FIGLA: variants seen among roughly 807,000 people sequenced by gnomAD.
FIGLA encodes folliculogenesis specific bHLH transcription factor.
In FIGLA, 17 loss-of-function variants were observed where a neutral mutation model predicts 21.5. The ratio of observed to expected loss-of-function variants is 0.79; its 90% CI spans 0.54 to 1.19. The LOEUF (loss-of-function observed/expected upper bound fraction) is 1.19. Ranked by LOEUF, FIGLA falls within the 50% of genes most tolerant of loss-of-function variation. The pLI, the probability that FIGLA is intolerant of heterozygous loss-of-function variation, is 0.00. For synonymous variants in FIGLA, 129 were observed against 117.6 expected, an observed-to-expected ratio of 1.10 and a Z score of -0.63; for missense variants, 282 against 285.0, an observed-to-expected ratio of 0.99 and a Z score of 0.08.
chr2:70,790,337 G>C, intron 1 of FIGLA, 71 bp downstream of exon 1: 1 of 1,412,892 alleles, frequency 7.1e-7, no homozygotes, highest in Non-Finnish European at 9.3e-7. Context: ...GCGGACCCCC[G>C]GGTGTTGACC....
At chr2:70,782,912 C>T (rs1198385256) in intron 3 of FIGLA, among the ~76,000 whole-genome samples, 1 of 151,858 alleles carries the variant, frequency 6.6e-6, no homozygotes, top group Non-Finnish European at 1.5e-5. Context: ...ACTAAAAATA[C>T]AAAAATTAGC....
chr2:70,780,667 G>A (rs1422069350), intron 3 of FIGLA, among the ~76,000 whole-genome samples: 1 of 152,162 alleles, frequency 6.6e-6, no homozygotes, highest in Non-Finnish European at 1.5e-5. Context: ...TGTTAACAAA[G>A]AGAAAACTAG....
At position 70,790,548 on chromosome 2, in the gene FIGLA, G is replaced by A. The variant is rs1676043447; in HGVS notation, c.91C>T (p.Arg31Trp). The A allele has an allele frequency of 6.5e-7, 1 of 1,532,982 alleles. No homozygotes were observed. The highest frequency in any genetic ancestry group is 8.7e-7 in the Non-Finnish European group (1 of 1,144,660). The allele number at this position is 1,532,982 out of a possible 1,614,324, so 95.0% of individuals were successfully genotyped here. The stretch of plus-strand genomic sequence containing the variant: ...TGGGGCAGCGGCCCGAACTGCTCCC[G>A]CAACACGTCCTCCAGCACCTCGGCT... ...PQAEVLEDVL[R>W]EQFGPLPQLA... Residue 31 changes from arginine to tryptophan, a missense_variant, in exon 1 of 5, where the codon CGG (arginine) becomes TGG (tryptophan). Coordinates refer to ENST00000332372, the MANE Select transcript of FIGLA (RefSeq NM_001004311.3).
intron 1 of FIGLA, 96 bp downstream of exon 1, chr2:70,790,312 G>C: frequency 7.6e-7 from 1 of 1,309,360 alleles, no homozygotes; most frequent in Non-Finnish European, 1.0e-6. Flanking sequence ...CGCCTCGAGC[G>C]GGGGTGGGCG....
chr2:70,780,610 T>C (rs1675837018), intron 3 of FIGLA, among the ~76,000 whole-genome samples: 1 of 152,190 alleles, frequency 6.6e-6, no homozygotes, highest in Non-Finnish European at 1.5e-5. Context: ...AAAGGTGATA[T>C]TGAATAATCG....
rs1205573053 is a variant in FIGLA at position 70,787,739 on chromosome 2, G to C, written c.294C>G (p.Ser98Arg). 6.2e-7 allele frequency: 1 copy of C among 1,612,790 alleles called. No homozygotes were observed. Among genetic ancestry groups the C allele is most frequent in the Admixed American group, 1.7e-5 (1 of 59,878 alleles). The change falls in exon 2 of 5, where the codon AGC becomes AGG. Residue 98 changes from serine to arginine, a missense_variant. Physicochemically the swap from Ser to Arg is moderately radical, Grantham distance 110. Coordinates refer to ENST00000332372, the MANE Select transcript of FIGLA (RefSeq NM_001004311.3). ...GGATATCAACTTTGCTGGGCTTCCTGCTTTGGGGAAGAAATGGCACAAGTG... is the reference window on the plus strand; with the variant it reads ...GGATATCAACTTTGCTGGGCTTCCTCCTTTGGGGAAGAAATGGCACAAGTG... ...LKALVPFLPQ[S>R]RKPSKVDILK...
chr2:70,785,350 A>T, intron 3 of FIGLA, 65 bp downstream of exon 3: 1 of 1,280,772 alleles, frequency 7.8e-7, no homozygotes, highest in Non-Finnish European at 1.1e-6. Flanking sequence ...AAAATGACTC[A>T]TATCTCAAAG....
At chr2:70,785,279 C>G (rs1331301937) in intron 3 of FIGLA, 136 bp downstream of exon 3, 2 of 776,850 alleles carry the variant, frequency 2.6e-6, no homozygotes, top group African/African-American at 3.5e-5. Flanking sequence ...CTAGTAAACC[C>G]CACTGCCCCA....
intron 3 of FIGLA, 35 bp downstream of exon 3, chr2:70,785,380 A>T: frequency 6.7e-7 from 1 of 1,490,018 alleles, no homozygotes; most frequent in Admixed American, 1.7e-5. Context: ...TAAGGTTCTG[A>T]TATCTGTATG....
intron 3 of FIGLA, among the ~76,000 whole-genome samples, chr2:70,778,500 T>A (rs1260332933): frequency 8.8e-6 from 1 of 114,160 alleles, no homozygotes; most frequent in Non-Finnish European, 1.8e-5. Flanking sequence ...AAATAAATTT[T>A]AATTTTTTTC....
chr2:70,784,945 C>CA (rs35547757), intron 3 of FIGLA, among the ~76,000 whole-genome samples: 84,759 of 139,320 alleles, frequency 0.61, 25,544 homozygotes, highest in East Asian at 0.89. Context: ...CCCCCCACCA[C>CA]AAAAAAAAAA....
At chr2:70,779,077 G>A (rs541907046) in intron 3 of FIGLA, among the ~76,000 whole-genome samples, 1 of 152,266 alleles carries the variant, frequency 6.6e-6, no homozygotes, top group South Asian at 2.1e-4. Flanking sequence ...CCAAAGTATA[G>A]AGAGCACAGT....
At chr2:70,784,947 A>C (rs891728473) in intron 3 of FIGLA, among the ~76,000 whole-genome samples, 6 of 148,066 alleles carry the variant, frequency 4.1e-5, no homozygotes, top group Admixed American at 6.7e-5. Context: ...CCCCACCACA[A>C]AAAAAAAAAA....
At position 70,785,087 on chromosome 2, in the gene FIGLA, GGGTGGTTCTGGGGTT is replaced by G. The variant is rs1675922873; in HGVS notation, c.609+313_609+327del. On this transcript the variant is annotated intron_variant, in intron 3 of 4. Transcript: ENST00000332372. ...TAAAAGATAAACTTAGGTCTGTATTGGGTGGTTCTGGGGTTAAATAGGATCATTTAAAAGATAAAC... is the reference window on the plus strand; with the variant it reads ...TAAAAGATAAACTTAGGTCTGTATTGAAATAGGATCATTTAAAAGATAAAC... Among the ~76,000 whole-genome samples the G allele has an allele frequency of 2.1e-4, 32 of 151,700 alleles. 1 individual carries two copies. Among genetic ancestry groups the G allele is most frequent in the Admixed American group, 2.0e-3 (31 of 15,246 alleles).
At chr2:70,777,601 A>G in intron 4 of FIGLA, 36 bp downstream of exon 4, 1 of 1,596,510 alleles carries the variant, frequency 6.3e-7, no homozygotes, top group Non-Finnish European at 8.5e-7. Context: ...TGGTGTTATA[A>G]ATTGGCACTA....
intron 2 of FIGLA, among the ~76,000 whole-genome samples, chr2:70,786,315 T>A (rs1675955070): frequency 6.6e-6 from 1 of 150,724 alleles, no homozygotes; most frequent in South Asian, 2.2e-4. Context: ...TTTTCTTTTT[T>A]TTGGGGGGGG....
At chr2:70,780,382 T>C (rs532492070) in intron 3 of FIGLA, among the ~76,000 whole-genome samples, 1 of 152,226 alleles carries the variant, frequency 6.6e-6, no homozygotes, top group Non-Finnish European at 1.5e-5. Context: ...GATATGAGCA[T>C]TTCTGTCCAA....
intron 3 of FIGLA, among the ~76,000 whole-genome samples, chr2:70,782,389 C>T (rs1447168092): frequency 6.6e-6 from 1 of 152,166 alleles, no homozygotes; most frequent in Non-Finnish European, 1.5e-5. Flanking sequence ...AAACAACTGG[C>T]CTGTAATCTC....
Position 70,781,927 on chromosome 2 carries a change from CG to C in FIGLA, c.609+3487del, listed in dbSNP as rs1300053620. Among the ~76,000 whole-genome samples, 5 of 152,164 alleles carry C rather than the reference CG, an allele frequency of 3.3e-5. No homozygotes were observed. The South Asian group carries it at 8.3e-4, about 25-fold the overall frequency. Reference sequence around the variant, plus strand: ...ATAAAACAACATACAACTATGCATACGTGGTACCAATGTCAGTTTCCCAGTT... The same window carrying C: ...ATAAAACAACATACAACTATGCATACTGGTACCAATGTCAGTTTCCCAGTT... On this transcript the variant is annotated intron_variant, in intron 3 of 4. Transcript: ENST00000332372.
Sources: allele counts gnomAD v4.1 joint callset (sites outside exome capture counted in the v4.1 genomes callset), GRCh38; gene constraint gnomAD v4.1.1; transcripts MANE v1.5; gene names NCBI Gene and HGNC (gene_info 2026-07-23, HGNC 2026-07-21).